PCDHGA10: variants seen among roughly 807,000 people sequenced by gnomAD.
The protein encoded by PCDHGA10 is protocadherin gamma subfamily A, 10.
Under a neutral mutation model 59.5 loss-of-function variants are expected in PCDHGA10, and 42 were observed. The observed-to-expected ratio is 0.71, with a 90% CI of 0.55 to 0.91. The LOEUF (loss-of-function observed/expected upper bound fraction) is 0.91. PCDHGA10 is among the 40% of genes least tolerant of loss of function. The probability of loss-of-function intolerance (pLI) is 0.00; values close to 1 mark genes in which losing one functional copy is unlikely to be tolerated. For synonymous variants in PCDHGA10, 511 were observed against 517.2 expected (o/e 0.99, Z 0.16); for missense variants, 1,111 against 1,198.2 (o/e 0.93, Z 1.07).
intron 3 of PCDHGA10, among the ~76,000 whole-genome samples, chr5:141,510,639 T>TATCA (rs998925545): frequency 1.4e-4 from 22 of 152,300 alleles, no homozygotes; most frequent in African/African-American, 4.6e-4. Context: ...TGGTTACCAT[T>TATCA]ATCATCCCCA....
rs1451071413 is a variant in PCDHGA10, at chr5:141,415,742, T to G, written c.2436+131T>G. 19 of 216,608 alleles carry G rather than the reference T, an allele frequency of 8.8e-5. 1 individual carries two copies. In the Admixed American group the frequency reaches 4.5e-3, roughly 51 times the overall value. 13.4% of individuals were successfully genotyped at this position (216,608 alleles called of 1,614,324 possible). ...AGTAGAATTTGATGTTTATTAAGGT[T>G]TTTTTTTTTTTTTTTTTTTTTTTTT... On this transcript the variant is annotated intron_variant, in intron 1 of 3. Transcript: ENST00000398610.
intron 1 of PCDHGA10, chr5:141,419,863 G>T (rs1416582920): frequency 6.2e-7 from 1 of 1,614,108 alleles, no homozygotes; most frequent in Non-Finnish European, 8.5e-7. Flanking sequence ...CAGATAGCTT[G>T]CAAGAGGTAC....
At chr5:141,426,825 A>G (rs747894160) in intron 1 of PCDHGA10, 26 of 456,582 alleles carry the variant, frequency 5.7e-5, no homozygotes, top group Non-Finnish European at 9.3e-5. Context: ...CTCTCTGATG[A>G]TGGACAAGAC....
chr5:141,471,631 G>A (rs573080972), intron 1 of PCDHGA10: 7 of 152,188 alleles, frequency 4.6e-5, no homozygotes, highest in African/African-American at 9.6e-5. Flanking sequence ...CATTGGTATG[G>A]ATTAGTAATA....
At position 141,423,722 on chromosome 5, in the gene PCDHGA10, G is replaced by A. The variant is rs541297269; in HGVS notation, c.2436+8111G>A. Reference sequence around the variant, plus strand: ...CTTGGCACAAGTCTTTTAAGGAGATGTTTTTTGAGCCTGTTATGAAAACTG... The same window carrying A: ...CTTGGCACAAGTCTTTTAAGGAGATATTTTTTGAGCCTGTTATGAAAACTG... On this transcript the variant is annotated intron_variant, in intron 1 of 3. Coordinates refer to ENST00000398610, the MANE Select transcript of PCDHGA10 (RefSeq NM_018913.3). 5 of 954,184 alleles carry A rather than the reference G, an allele frequency of 5.2e-6. No individual in the cohort carries two copies. In the African/African-American group the frequency reaches 6.3e-5, roughly 12 times the overall value. The allele number at this position is 954,184 out of a possible 1,614,324, so 59.1% of individuals were successfully genotyped here.
Position 141,499,029 on chromosome 5 carries a change from A to AAGGAAGG in PCDHGA10, c.2495+4165_2495+4166insGGAAGGA, listed in dbSNP as rs1562187768. Among the ~76,000 whole-genome samples, 348 of 140,068 alleles carry AAGGAAGG rather than the reference A, an allele frequency of 2.5e-3. 2 individuals carry two copies. The highest frequency in any genetic ancestry group is 9.3e-3 in the African/African-American group (335 of 36,066). The allele number at this position is 140,068 out of a possible 152,430, so 91.9% of individuals were successfully genotyped here. ...GGAAGGAAGGAAGGAAGGAAGGAAG[A>AAGGAAGG]AAAGAAAGAAAAAGGGAGAAAAAAT... is the stretch of plus-strand genomic sequence containing the variant. On this transcript the variant is annotated intron_variant, in intron 2 of 3. Transcript: ENST00000398610.
At chr5:141,428,882 T>C in intron 1 of PCDHGA10, 1 of 151,216 alleles carries the variant, frequency 6.6e-6, no homozygotes, top group African/African-American at 2.4e-5. Context: ...TTGGACGGAG[T>C]CTCGCTCTGT....
At chr5:141,484,950 T>G in intron 1 of PCDHGA10, 1 of 561,950 alleles carries the variant, frequency 1.8e-6, no homozygotes, top group Non-Finnish European at 3.2e-6. Context: ...GCTCAGCCTA[T>G]TGGCTGAGCC....
Position 141,477,858 on chromosome 5 carries a change from C to T in PCDHGA10, c.2437-16949C>T. 2 of 1,613,572 alleles carry T rather than the reference C, an allele frequency of 1.2e-6. No individual in the cohort carries two copies. Among genetic ancestry groups the T allele is most frequent in the Non-Finnish European group, 1.7e-6 (2 of 1,179,842 alleles). ...GGTGGGAGCTCGGTGGAGATGCTGC[C>T]TCGAGGTACCTCAGCTGGCCACCTA... On this transcript the variant is annotated intron_variant, in intron 1 of 3. Transcript: ENST00000398610. This position sits in a 1 kb window ranked among gnomAD's most constrained non-coding sequence, Gnocchi z 4.9.
chr5:141,435,853 T>C (rs1034164236), intron 1 of PCDHGA10, among the ~76,000 whole-genome samples: 1 of 152,110 alleles, frequency 6.6e-6, no homozygotes, highest in African/African-American at 2.4e-5. Context: ...AAAGATACAA[T>C]AGTTAAAACC....
At chr5:141,497,354 A>G (rs1430368474) in intron 2 of PCDHGA10, among the ~76,000 whole-genome samples, 1 of 152,054 alleles carries the variant, frequency 6.6e-6, no homozygotes, top group Non-Finnish European at 1.5e-5. Flanking sequence ...AGCCCCACCA[A>G]CTGCCTCTCA....
Position 141,476,263 on chromosome 5 carries a change from C to G in PCDHGA10, c.2437-18544C>G. 13 of 1,613,940 alleles carry G rather than the reference C, an allele frequency of 8.1e-6. No individual in the cohort carries two copies. Among genetic ancestry groups the G allele is most frequent in the Non-Finnish European group, 1.1e-5 (13 of 1,180,010 alleles). On this transcript the variant is annotated intron_variant, in intron 1 of 3. Transcript: ENST00000398610. This position sits in a 1 kb window ranked among gnomAD's most constrained non-coding sequence, Gnocchi z 7.6. ...GAGAGAAGGGTTTCGCTGTGGGCAA[C>G]GTGGTCGCGAACCTTGGTTTGGATC...
intron 1 of PCDHGA10, chr5:141,441,671 C>A (rs1027440120): frequency 7.0e-6 from 2 of 287,530 alleles, no homozygotes; most frequent in South Asian, 2.9e-5. Flanking sequence ...GCGCACAGTG[C>A]GCCTTCGACC....
Position 141,431,334 on chromosome 5 carries a change from C to G in PCDHGA10, c.2436+15723C>G, listed in dbSNP as rs775651426. ...AATGGAGCCGACGGTAGTAAGTACC[C>G]CGAATTGGTGCTGAAACGCGCCCTG... On this transcript the variant is annotated intron_variant, in intron 1 of 3. Transcript: ENST00000398610. This position sits in a 1 kb window ranked among gnomAD's most constrained non-coding sequence, Gnocchi z 4.8. 1.9e-6 allele frequency: 3 copies of G among 1,614,118 alleles called. No individual in the cohort carries two copies. The South Asian group carries it at 3.3e-5, about 18-fold the overall frequency.
chr5:141,497,649 C>T (rs973501351), intron 2 of PCDHGA10, among the ~76,000 whole-genome samples: 1 of 151,784 alleles, frequency 6.6e-6, no homozygotes, highest in Non-Finnish European at 1.5e-5. Context: ...AAGCGATTCT[C>T]CTGCCTCAGC....
chr5:141,415,744 T>TTTTTG, intron 1 of PCDHGA10, 133 bp downstream of exon 1: 1 of 404,416 alleles, frequency 2.5e-6, no homozygotes, highest in Non-Finnish European at 3.0e-6. Context: ...ATTAAGGTTT[T>TTTTTG]TTTTTTTTTT....
At chr5:141,427,924 G>A (rs1440880400) in intron 1 of PCDHGA10, 8 of 1,580,024 alleles carry the variant, frequency 5.1e-6, no homozygotes, top group East Asian at 2.2e-5. Context: ...ATGAGCCGGC[G>A]CATGTTGGTG....
At position 141,449,274 on chromosome 5, in the gene PCDHGA10, T is replaced by C. The variant is rs569352843; in HGVS notation, c.2436+33663T>C. 3.9e-5 allele frequency among the ~76,000 whole-genome samples: 6 copies of C among 152,260 alleles called. No individual in the cohort carries two copies. In the East Asian group the frequency reaches 1.2e-3, roughly 29 times the overall value. On this transcript the variant is annotated intron_variant, in intron 1 of 3. Transcript: ENST00000398610. ...GAATTGTACAAAGAACTGTATCTCC[T>C]TCACCCGGATGCACCGGGTGAATTA...
At position 141,476,676 on chromosome 5, in the gene PCDHGA10, G is replaced by A. The variant is rs753538822; in HGVS notation, c.2437-18131G>A. The A allele has an allele frequency of 6.2e-7, 1 of 1,614,222 alleles. No individual in the cohort carries two copies. The highest frequency in any genetic ancestry group is 8.5e-7 in the Non-Finnish European group (1 of 1,180,054). On this transcript the variant is annotated intron_variant, in intron 1 of 3. Transcript: ENST00000398610. The surrounding 1 kb of genome is among the most constrained non-coding windows in gnomAD (Gnocchi z 7.6). ...TACTTTGCGCTTCGCGTGCAGACGC[G>A]GGAGGACAGCACCAAGTACGCGGAG...
Sources: gnomAD v4.1 joint callset for allele counts (sites outside exome capture counted in the v4.1 genomes callset) on GRCh38, gnomAD v4.1.1 for gene constraint, Gnocchi (gnomAD v3.1) non-coding constraint, MANE v1.5 for transcripts, NCBI Gene and HGNC (gene_info 2026-07-23, HGNC 2026-07-21) for gene names.